Variants in ASIC2 observed in about 807,000 individuals in gnomAD.
ASIC2 encodes acid-sensing ion channel 2.
A neutral mutation model predicts 57.3 loss-of-function variants in ASIC2; 25 were observed. The observed-to-expected ratio is 0.44, with a 90% CI of 0.32 to 0.61. The LOEUF (loss-of-function observed/expected upper bound fraction) is 0.61, where lower values mean the gene tolerates loss of function less well. Among genes scored for constraint, ASIC2 ranks in the 20% least tolerant of loss-of-function variants. ASIC2 has a pLI of 0.06. For synonymous variants in ASIC2, 319 were observed against 307.5 expected (o/e 1.04, Z -0.39); for missense variants, 641 against 738.1 (o/e 0.87, Z 1.52).
chr17:33,267,695 T>C lies in ASIC2; in HGVS notation c.708+23713A>G, dbSNP rs188389097. On this transcript the variant is annotated intron_variant, in intron 1 of 9. Transcript: ENST00000225823. ...AGTTCAGGGAAAGGAGAGATGAGCG[T>C]GGGCTTGGAAAGCTGCACAGGCATC... Among the ~76,000 whole-genome samples, 6 of 152,248 alleles carry C rather than the reference T, an allele frequency of 3.9e-5. No individual in the cohort carries two copies. In the East Asian group the frequency reaches 1.2e-3, roughly 29 times the overall value.
At chr17:33,708,647 C>G (rs997619009) in intron 1 of ASIC2, among the ~76,000 whole-genome samples, 3 of 152,132 alleles carry the variant, frequency 2.0e-5, no homozygotes, top group African/African-American at 7.2e-5. Flanking sequence ...TGAGGTTTCT[C>G]TGCTCCATGT....
At chr17:33,713,196 A>T (rs147834400) in intron 1 of ASIC2, among the ~76,000 whole-genome samples, 1,999 of 152,308 alleles carry the variant, frequency 0.013, 23 homozygotes, top group Admixed American at 0.023. Flanking sequence ...GAATACCAGG[A>T]GGCTGGTTTC....
At chr17:33,388,107 C>CAA (rs1909756785) in intron 1 of ASIC2, among the ~76,000 whole-genome samples, 1 of 151,530 alleles carries the variant, frequency 6.6e-6, no homozygotes, top group Admixed American at 6.6e-5. Context: ...CAAAACAAAA[C>CAA]AAAACAACAA....
chr17:33,515,780 G>A (rs1038086643), intron 1 of ASIC2, among the ~76,000 whole-genome samples: 9 of 152,132 alleles, frequency 5.9e-5, no homozygotes, highest in African/African-American at 2.2e-4. Flanking sequence ...TGCTATTCCT[G>A]TCCTGACCTC....
chr17:33,983,158 A>C lies in ASIC2; in HGVS notation c.555+172820T>G, dbSNP rs12941090. Among the ~76,000 whole-genome samples, 1,029 of 152,294 alleles carry C rather than the reference A, an allele frequency of 6.8e-3. 16 individuals are homozygous for C. Among genetic ancestry groups the C allele is most frequent in the African/African-American group, 0.023 (973 of 41,552 alleles). ...TATACCAGTTACTCAAAAACATAAT[A>C]TGTGCACATGATGGTAATTGGTCTC... On this transcript the variant is annotated intron_variant, in intron 1 of 9. Coordinates refer to the ASIC2 transcript ENST00000359872.
intron 1 of ASIC2, among the ~76,000 whole-genome samples, chr17:33,655,813 C>G (rs1443799112): frequency 1.3e-5 from 2 of 151,834 alleles, no homozygotes; most frequent in Non-Finnish European, 2.9e-5. Flanking sequence ...CTATTCAGTC[C>G]CCATGTAGAA....
chr17:33,432,586 C>G (rs1481696088), intron 1 of ASIC2, among the ~76,000 whole-genome samples: 2 of 152,158 alleles, frequency 1.3e-5, no homozygotes, highest in Non-Finnish European at 2.9e-5. Flanking sequence ...TTTTTAACAA[C>G]CTTTTCTCTA....
chr17:33,623,527 A>T (rs573194562), intron 1 of ASIC2: 1 of 151,656 alleles, frequency 6.6e-6, no homozygotes, highest in Non-Finnish European at 1.5e-5. Flanking sequence ...TCAGCCTCCC[A>T]AAGTGCTGAG....
intron 1 of ASIC2, among the ~76,000 whole-genome samples, chr17:33,282,615 C>T (rs990521980): frequency 3.3e-5 from 5 of 152,132 alleles, no homozygotes; most frequent in African/African-American, 9.7e-5. Flanking sequence ...GCTGGGACTA[C>T]AGTTGCCTGC....
At chr17:34,144,990 A>G (rs936795110) in intron 1 of ASIC2, among the ~76,000 whole-genome samples, 13 of 152,098 alleles carry the variant, frequency 8.5e-5, no homozygotes, top group African/African-American at 2.4e-4. Flanking sequence ...AGCCCTCCAC[A>G]TGGAACCCGG....
intron 1 of ASIC2, among the ~76,000 whole-genome samples, chr17:33,239,535 A>G (rs1446164806): frequency 6.6e-6 from 1 of 152,116 alleles, no homozygotes; most frequent in East Asian, 1.9e-4. Context: ...TCTGCTATAC[A>G]CTCTGATGCC....
At chr17:33,997,305 T>A (rs1906192981) in intron 1 of ASIC2, among the ~76,000 whole-genome samples, 1 of 118,698 alleles carries the variant, frequency 8.4e-6, no homozygotes, top group Non-Finnish European at 1.6e-5. Context: ...CATGCACGGT[T>A]AATTTTTTTT....
intron 1 of ASIC2, among the ~76,000 whole-genome samples, chr17:33,175,863 T>C (rs1905735149): frequency 6.6e-6 from 1 of 152,128 alleles, no homozygotes; most frequent in South Asian, 2.1e-4. Flanking sequence ...AGATCAACCT[T>C]TCTAAAATAT....
intron 1 of ASIC2, among the ~76,000 whole-genome samples, chr17:33,891,381 T>C (rs1183682760): frequency 1.3e-5 from 2 of 152,148 alleles, no homozygotes; most frequent in African/African-American, 4.8e-5. Flanking sequence ...ATGGTCTGTC[T>C]GCTTGTAGAA....
chr17:33,520,298 T>C (rs1914701431), intron 1 of ASIC2, among the ~76,000 whole-genome samples: 1 of 152,160 alleles, frequency 6.6e-6, no homozygotes. Context: ...ACAGGGTCAG[T>C]GGGGAAGCAT....
intron 1 of ASIC2, among the ~76,000 whole-genome samples, chr17:33,926,131 T>C (rs888516612): frequency 4.6e-5 from 7 of 152,186 alleles, no homozygotes; most frequent in Non-Finnish European, 1.0e-4. Flanking sequence ...ACCTGAAAGT[T>C]TGTGTCCTCT....
chr17:33,410,719 C>T (rs1222857996), intron 1 of ASIC2, among the ~76,000 whole-genome samples: 1 of 152,196 alleles, frequency 6.6e-6, no homozygotes, highest in African/African-American at 2.4e-5. Context: ...AAGTTGGGTG[C>T]CCTCAAGTCA....
intron 1 of ASIC2, among the ~76,000 whole-genome samples, chr17:33,576,601 G>A (rs1916630412): frequency 6.6e-6 from 1 of 152,188 alleles, no homozygotes; most frequent in Admixed American, 6.5e-5. Flanking sequence ...AATGGAAAGT[G>A]GGAATGATAC....
At chr17:33,285,977 G>GC (rs2142175108) in intron 1 of ASIC2, among the ~76,000 whole-genome samples, 1 of 152,270 alleles carries the variant, frequency 6.6e-6, no homozygotes, top group East Asian at 1.9e-4. Context: ...CTTACTTAGG[G>GC]CCAGGAATGG....
Sources: allele counts gnomAD v4.1 joint callset (sites outside exome capture counted in the v4.1 genomes callset), GRCh38; gene constraint gnomAD v4.1.1; transcripts MANE v1.5; gene names NCBI Gene and HGNC (gene_info 2026-07-23, HGNC 2026-07-21).